Variants in BRF1 observed in about 807,000 individuals in gnomAD.
BRF1 encodes transcription factor IIIB 90 kDa subunit.
A neutral mutation model predicts 81.7 loss-of-function variants in BRF1; 59 were observed. That is an observed-to-expected ratio of 0.72 (90% confidence interval 0.59 to 0.90). The LOEUF (loss-of-function observed/expected upper bound fraction) is 0.90, where lower values mean the gene tolerates loss of function less well. Ranked by LOEUF, BRF1 falls within the 40% of genes least tolerant of loss-of-function variation. The pLI is 0.00. For synonymous variants in BRF1, 491 were observed against 395.6 expected, an observed-to-expected ratio of 1.24 and a Z score of -2.86; for missense variants, 1,050 against 936.3, an observed-to-expected ratio of 1.12 and a Z score of -1.58.
At chr14:105,242,878 G>A (rs1406058264) in intron 5 of BRF1, among the ~76,000 whole-genome samples, 1 of 152,152 alleles carries the variant, frequency 6.6e-6, no homozygotes, top group African/African-American at 2.4e-5. Flanking sequence ...CACTTTGGGA[G>A]ATTAGGGCGG....
Position 105,284,211 on chromosome 14 carries a change from A to G in BRF1, c.265+2085T>C, listed in dbSNP as rs1253569992. Among the ~76,000 whole-genome samples the G allele has an allele frequency of 6.6e-6, 1 of 152,186 alleles. No individual in the cohort carries two copies. Among genetic ancestry groups the G allele is most frequent in the East Asian group, 1.9e-4 (1 of 5,198 alleles). ...CGGCCACGGCTCGAAGCATTTCCGAAGACTGAAATCACACAGAGGGTGCTC... is the reference window on the plus strand; with the variant it reads ...CGGCCACGGCTCGAAGCATTTCCGAGGACTGAAATCACACAGAGGGTGCTC... On this transcript the variant is annotated intron_variant, in intron 2 of 17. Transcript: ENST00000547530. This position sits in a 1 kb window ranked among gnomAD's most constrained non-coding sequence, Gnocchi z 4.0.
Position 105,265,080 on chromosome 14 carries a change from T to TTA in BRF1, c.439+7640_439+7641insTA, listed in dbSNP as rs1566849059. On this transcript the variant is annotated intron_variant, in intron 3 of 17. Coordinates refer to ENST00000547530, the MANE Select transcript of BRF1 (RefSeq NM_001519.4). ...TTTTTTTTTTGTTTGTTTGTTTTTT[T>TTA]AGAGACAGGGTCTCACTCTGTCGCC... Among the ~76,000 whole-genome samples, 10 of 150,048 alleles carry TTA rather than the reference T, an allele frequency of 6.7e-5. No individual in the cohort carries two copies. The South Asian group carries it at 2.1e-3, about 32-fold the overall frequency.
chr14:105,210,650 C>A lies in BRF1; in HGVS notation c.1997-62G>T. ...GTGGGACCCAGGAGCCCAGACCCCC[C>A]AACCCGCCCTGTTCCTGGTGCCCCC... On this transcript the variant is annotated intron_variant, in intron 17 of 17. Coordinates refer to ENST00000547530, the MANE Select transcript of BRF1 (RefSeq NM_001519.4). The surrounding 1 kb of genome is among the most constrained non-coding windows in gnomAD (Gnocchi z 4.7). 1 of 1,580,248 alleles carries A rather than the reference C, an allele frequency of 6.3e-7. No individual in the cohort carries two copies. Among genetic ancestry groups the A allele is most frequent in the South Asian group, 1.1e-5 (1 of 89,042 alleles).
At chr14:105,216,526 G>A (rs1891339449) in intron 15 of BRF1, among the ~76,000 whole-genome samples, 2 of 151,662 alleles carry the variant, frequency 1.3e-5, no homozygotes, top group Non-Finnish European at 3.0e-5. Flanking sequence ...CTGAGACGCC[G>A]GCTGAGAAGC....
At chr14:105,218,960 C>A in intron 14 of BRF1, 38 bp downstream of exon 14, 5 of 1,613,198 alleles carry the variant, frequency 3.1e-6, no homozygotes, top group African/African-American at 2.7e-5. Context: ...AACCTGGACA[C>A]CCCCAAGAAG....
intron 15 of BRF1, 29 bp downstream of exon 15, chr14:105,217,515 T>TA: frequency 6.2e-7 from 1 of 1,600,796 alleles, no homozygotes; most frequent in African/African-American, 1.3e-5. Flanking sequence ...GCTGCTGCCC[T>TA]AACCCAGCCA....
intron 5 of BRF1, chr14:105,248,688 C>A: frequency 1.0e-6 from 1 of 982,114 alleles, no homozygotes; most frequent in East Asian, 1.1e-4. Flanking sequence ...GGCAGCCCCG[C>A]GGGTCACAGC....
intron 3 of BRF1, among the ~76,000 whole-genome samples, chr14:105,272,052 C>T (rs1321958181): frequency 2.5e-5 from 1 of 40,572 alleles, no homozygotes; most frequent in East Asian, 5.9e-4. Context: ...TGAGGGTCGG[C>T]GGCCTCCCCG....
chr14:105,241,295 C>A lies in BRF1; in HGVS notation c.664G>T (p.Gly222Cys). 6.2e-7 allele frequency: 1 copy of A among 1,612,556 alleles called. No homozygotes were observed. The highest frequency in any genetic ancestry group is 8.5e-7 in the Non-Finnish European group (1 of 1,179,912). ...CCGCAGAGGCCCGAGGGGCGCCGGC[C>A]TGTGTGCATCCAGTCCCGCTTCATC... ...QRMKRDWMHTGRRPSGLCGAA... is the reference protein window; with the variant it reads ...QRMKRDWMHTCRRPSGLCGAA... Residue 222 changes from glycine to cysteine, a missense_variant, in exon 6 of 18, where the codon GGC becomes TGC. By Grantham distance (159) the Gly-to-Cys change is radical. Around this residue, in one of 2 missense-constraint regions of BRF1, gnomAD observed 1,043 missense variants for 915.4 expected, o/e 1.14. Transcript: ENST00000547530.
intron 5 of BRF1, chr14:105,249,291 C>A: frequency 6.4e-7 from 1 of 1,570,644 alleles, no homozygotes; most frequent in Non-Finnish European, 8.6e-7. Context: ...CCCGTCCGCC[C>A]CGTCCGCCGT....
intron 1 of BRF1, among the ~76,000 whole-genome samples, chr14:105,313,846 G>T (rs1024161484): frequency 1.3e-5 from 2 of 152,218 alleles, no homozygotes; most frequent in Admixed American, 1.3e-4. Flanking sequence ...AAACAGATGG[G>T]GGAAGCACCC....
chr14:105,211,188 C>T lies in BRF1; in HGVS notation c.1930G>A (p.Glu644Lys), dbSNP rs1333737006. 7 of 1,612,356 alleles carry T rather than the reference C, an allele frequency of 4.3e-6. No individual in the cohort carries two copies. In the Admixed American group the frequency reaches 5.0e-5, roughly 12 times the overall value. The change falls in exon 17 of 18, where the codon GAG becomes AAG. Residue 644 changes from glutamate (E) to lysine (K), a missense_variant. Physicochemically the swap from Glu to Lys is moderately conservative, Grantham distance 56 (BLOSUM62 1). Transcript: ENST00000547530. ...VSYHADEEADEEEPDEEDGEP... is the reference protein window; with the variant it reads ...VSYHADEEADKEEPDEEDGEP... The stretch of plus-strand genomic sequence containing the variant: ...CCGTCCTCCTCGTCAGGCTCCTCCT[C>T]GTCAGCCTCCTCGTCGGCGTGGTAT...
intron 7 of BRF1, chr14:105,227,973 G>A (rs1178321172): frequency 6.6e-6 from 1 of 152,236 alleles, no homozygotes; most frequent in Non-Finnish European, 1.5e-5. Flanking sequence ...CAAAGTCTAT[G>A]AAACAGGGCT....
chr14:105,225,622 G>A (rs983097244), intron 10 of BRF1, among the ~76,000 whole-genome samples: 28 of 151,626 alleles, frequency 1.8e-4, no homozygotes, highest in Admixed American at 1.5e-3. Context: ...GCCCCGCAAA[G>A]CTGTCTTTTG....
intron 10 of BRF1, among the ~76,000 whole-genome samples, chr14:105,224,357 A>G (rs1051395101): frequency 2.0e-5 from 3 of 152,298 alleles, no homozygotes; most frequent in African/African-American, 2.4e-5. Context: ...TGACAGAGTG[A>G]GCCTGTCTCC....
chr14:105,250,044 G>C, intron 5 of BRF1: 1 of 1,612,946 alleles, frequency 6.2e-7, no homozygotes, highest in Non-Finnish European at 8.5e-7. Flanking sequence ...CATGTTCTGG[G>C]GCGAGCCCTC....
rs1340868880 is a variant in BRF1, at chr14:105,217,705, C to T, written c.1611G>A (p.Lys537=). Residue 537 remains lysine, a synonymous_variant, in exon 15 of 18, where the codon AAG becomes AAA. Coordinates refer to ENST00000547530, the MANE Select transcript of BRF1 (RefSeq NM_001519.4). ...KMLEQKKISS[K]INYSVLRGLS... ...GGCCCCGGAGCACGCTATAATTGAT[C>T]TTGCTGGAGATCTTCTTCTGCTCCA... The T allele has an allele frequency of 1.2e-6, 2 of 1,613,328 alleles. No individual in the cohort carries two copies. Among genetic ancestry groups the T allele is most frequent in the Non-Finnish European group, 1.7e-6 (2 of 1,180,030 alleles).
At chr14:105,268,595 A>T (rs2056525271) in intron 3 of BRF1, among the ~76,000 whole-genome samples, 1 of 152,196 alleles carries the variant, frequency 6.6e-6, no homozygotes, top group Admixed American at 6.5e-5. Flanking sequence ...GATGTTCTTA[A>T]ATCAAGCCCT....
chr14:105,290,183 G>A (rs1247217376), intron 1 of BRF1, among the ~76,000 whole-genome samples: 2 of 152,114 alleles, frequency 1.3e-5, no homozygotes, highest in East Asian at 3.9e-4. Flanking sequence ...ACTTTGGGAG[G>A]CCGATGCGGT....
Sources: gnomAD v4.1 joint callset for allele counts (sites outside exome capture counted in the v4.1 genomes callset) on GRCh38, gnomAD v4.1.1 for gene constraint, gnomAD v4.1.1 regional missense constraint, Gnocchi (gnomAD v3.1) non-coding constraint, MANE v1.5 for transcripts, NCBI Gene and HGNC (gene_info 2026-07-23, HGNC 2026-07-21) for gene names.